Variants in SLC41A2 observed in about 807,000 individuals in gnomAD.
SLC41A2 encodes the protein SLC41A1-like 1.
Under a neutral mutation model 58.3 loss-of-function variants are expected in SLC41A2, and 32 were observed. That is an observed-to-expected ratio of 0.55 (90% confidence interval 0.41 to 0.74). The LOEUF (loss-of-function observed/expected upper bound fraction) is 0.74. Among genes scored for constraint, SLC41A2 ranks in the 30% least tolerant of loss-of-function variants. The pLI, the probability that SLC41A2 is intolerant of heterozygous loss-of-function variation, is 0.00. For missense variants in SLC41A2, 514 were observed against 680.6 expected, an observed-to-expected ratio of 0.76 and a Z score of 2.72; for synonymous variants, 190 against 235.0, an observed-to-expected ratio of 0.81 and a Z score of 1.75.
intron 6 of SLC41A2, among the ~76,000 whole-genome samples, chr12:104,883,032 T>C (rs2044463545): frequency 6.6e-6 from 1 of 152,206 alleles, no homozygotes; most frequent in African/African-American, 2.4e-5. Flanking sequence ...TTACTCTTTT[T>C]TCTCTAAACT....
At chr12:104,956,215 C>G (rs1365600482) in intron 1 of SLC41A2, among the ~76,000 whole-genome samples, 1 of 152,156 alleles carries the variant, frequency 6.6e-6, no homozygotes, top group Non-Finnish European at 1.5e-5. Context: ...CCAGAATGAA[C>G]AGGTAGGGTA....
chr12:104,888,898 GC>G (rs1372733454), intron 5 of SLC41A2, 134 bp downstream of exon 5: 15 of 892,708 alleles, frequency 1.7e-5, no homozygotes, highest in Non-Finnish European at 2.3e-5. Flanking sequence ...AATAACTAAG[GC>G]ATTTTTTAAG....
chr12:104,900,429 T>A (rs1322311855), intron 3 of SLC41A2, among the ~76,000 whole-genome samples: 1 of 152,210 alleles, frequency 6.6e-6, no homozygotes, highest in Non-Finnish European at 1.5e-5. Context: ...ATATATATGT[T>A]TGTTTTCTTG....
intron 3 of SLC41A2, among the ~76,000 whole-genome samples, chr12:104,897,467 C>CT (rs930388807): frequency 3.5e-4 from 52 of 148,002 alleles, no homozygotes; most frequent in South Asian, 8.6e-4. Flanking sequence ...TAATCAGTTT[C>CT]TTTTTTTTTT....
At chr12:104,894,983 T>C (rs1389018890) in intron 4 of SLC41A2, among the ~76,000 whole-genome samples, 2 of 152,224 alleles carry the variant, frequency 1.3e-5, no homozygotes, top group Admixed American at 6.5e-5. Context: ...GATATATTAA[T>C]GCAAATTCTG....
At chr12:104,906,032 A>C (rs543573617) in intron 3 of SLC41A2, among the ~76,000 whole-genome samples, 45 of 152,384 alleles carry the variant, frequency 3.0e-4, no homozygotes, top group African/African-American at 1.0e-3. Context: ...GGAGGTGCCG[A>C]GAGCAAGCGA....
chr12:104,823,190 C>CT (rs1431715750), intron 10 of SLC41A2, among the ~76,000 whole-genome samples: 1 of 152,004 alleles, frequency 6.6e-6, no homozygotes, highest in African/African-American at 2.4e-5. Context: ...TGCCAAAACT[C>CT]TATGTTGAGA....
At chr12:104,848,352 A>G (rs941731725) in intron 8 of SLC41A2, among the ~76,000 whole-genome samples, 5 of 152,172 alleles carry the variant, frequency 3.3e-5, no homozygotes, top group African/African-American at 7.2e-5. Context: ...AGCATTACTT[A>G]TATTAGGAAA....
At chr12:104,853,934 T>TTTTTTTTTTTTTTTTTC (rs2042921699) in intron 8 of SLC41A2, among the ~76,000 whole-genome samples, 1 of 141,782 alleles carries the variant, frequency 7.1e-6, no homozygotes, top group Non-Finnish European at 1.5e-5. Context: ...TTTTTTTTTT[T>TTTTTTTTTTTTTTTTTC]TTTTTAGTAG....
At chr12:104,909,787 A>G in intron 2 of SLC41A2, 25 bp from the exon 3 acceptor site, 2 of 1,470,854 alleles carry the variant, frequency 1.4e-6, no homozygotes, top group Non-Finnish European at 9.3e-7. Flanking sequence ...ATAAAATAAA[A>G]TTTTCTGGCA....
intron 6 of SLC41A2, among the ~76,000 whole-genome samples, chr12:104,875,413 T>C (rs1297905494): frequency 6.6e-6 from 1 of 152,162 alleles, no homozygotes. Context: ...CTGGAACTAC[T>C]GGTATGTGCC....
chr12:104,851,790 A>G (rs184752081), intron 8 of SLC41A2: 1 of 152,342 alleles, frequency 6.6e-6, no homozygotes, highest in Admixed American at 6.5e-5. Flanking sequence ...TGGATTCTCT[A>G]AATCTGAACT....
At chr12:104,897,329 G>C (rs951423190) in intron 3 of SLC41A2, among the ~76,000 whole-genome samples, 2 of 151,732 alleles carry the variant, frequency 1.3e-5, no homozygotes, top group African/African-American at 4.8e-5. Context: ...TATTTTAGTA[G>C]AAACAGGGTT....
rs1055870839 is a variant in SLC41A2, at chr12:104,958,205, G to C, written c.-285C>G. On this transcript the variant is annotated 5_prime_UTR_variant, in exon 1 of 11. Transcript: ENST00000258538. ...GGGCATTCACCTGGTGCCCGGCACC[G>C]GTGGTGGCGGGGAGGACAGCGGCTC... is the stretch of plus-strand genomic sequence containing the variant. 1.3e-5 allele frequency: 2 copies of C among 151,648 alleles called. No homozygotes were observed. Among genetic ancestry groups the C allele is most frequent in the Admixed American group, 1.3e-4 (2 of 15,222 alleles). 9.4% of individuals were successfully genotyped at this position (151,648 alleles called of 1,614,324 possible).
intron 3 of SLC41A2, among the ~76,000 whole-genome samples, chr12:104,902,984 G>A (rs4644704): frequency 0.49 from 74,045 of 151,934 alleles, 18,362 homozygotes; most frequent in Middle Eastern, 0.54. Context: ...TCATAACTTG[G>A]CACTACAAGT....
chr12:104,939,356 C>T (rs2047410676), intron 1 of SLC41A2, among the ~76,000 whole-genome samples: 2 of 152,136 alleles, frequency 1.3e-5, no homozygotes, highest in South Asian at 4.1e-4. Flanking sequence ...GGACACCACA[C>T]CCAGCTAATT....
intron 10 of SLC41A2, among the ~76,000 whole-genome samples, 170 bp from the exon 11 acceptor site, chr12:104,805,507 GA>G (rs1415993999): frequency 1.3e-5 from 2 of 151,476 alleles, no homozygotes; most frequent in Non-Finnish European, 2.9e-5. Context: ...CATTTCACAA[GA>G]AAAAAAACAG....
chr12:104,856,734 T>C (rs943260448), intron 8 of SLC41A2, among the ~76,000 whole-genome samples: 1 of 152,070 alleles, frequency 6.6e-6, no homozygotes. Context: ...TCTTCTGAGA[T>C]AGGGGTGAAA....
intron 8 of SLC41A2, among the ~76,000 whole-genome samples, chr12:104,851,335 T>C (rs2042790409): frequency 6.6e-6 from 1 of 152,136 alleles, no homozygotes; most frequent in African/African-American, 2.4e-5. Flanking sequence ...AAAATATATA[T>C]ATGAAAGAGA....
Sources: gnomAD v4.1 joint callset for allele counts (sites outside exome capture counted in the v4.1 genomes callset) on GRCh38, gnomAD v4.1.1 for gene constraint, MANE v1.5 for transcripts, NCBI Gene and HGNC (gene_info 2026-07-23, HGNC 2026-07-21) for gene names.